The following CNTLN variants were observed in gnomAD, a reference collection of about 807,000 sequenced individuals.
The protein encoded by CNTLN is centlein.
In CNTLN, 212 loss-of-function variants were observed where a neutral mutation model predicts 180.0. The observed-to-expected ratio is 1.18, with a 90% CI of 1.05 to 1.32. The LOEUF is 1.32. CNTLN is among the 40% of genes most tolerant of loss of function. The pLI is 0.00. For synonymous variants in CNTLN, 722 were observed against 563.1 expected, an observed-to-expected ratio of 1.28 and a Z score of -3.99; for missense variants, 2,095 against 1,610.9, an observed-to-expected ratio of 1.30 and a Z score of -5.14.
intron 2 of CNTLN, among the ~76,000 whole-genome samples, chr9:17,219,604 T>A (rs2132038162): frequency 6.6e-6 from 1 of 152,204 alleles, no homozygotes; most frequent in African/African-American, 2.4e-5. Context: ...TATATGGCAC[T>A]TATGACCCAT....
intron 12 of CNTLN, among the ~76,000 whole-genome samples, chr9:17,362,062 C>G (rs1823436095): frequency 3.3e-5 from 5 of 152,088 alleles, no homozygotes; most frequent in Admixed American, 3.3e-4. Flanking sequence ...CAAGGTGGTC[C>G]CTGATGTCTG....
chr9:17,494,946 A>G, intron 25 of CNTLN: 1 of 435,324 alleles, frequency 2.3e-6, no homozygotes, highest in South Asian at 1.6e-5. Context: ...CAATGGCGCA[A>G]TCGTGGCTCA....
At chr9:17,334,420 TAC>T (rs56376464) in intron 10 of CNTLN, among the ~76,000 whole-genome samples, 6,300 of 149,732 alleles carry the variant, frequency 0.042, 165 homozygotes, top group South Asian at 0.12. Flanking sequence ...GCCAATAGAA[TAC>T]ACACACACAC....
chr9:17,152,400 C>T (rs970978668), intron 2 of CNTLN, among the ~76,000 whole-genome samples: 1 of 152,090 alleles, frequency 6.6e-6, no homozygotes, highest in Non-Finnish European at 1.5e-5. Context: ...TTTATTTCTG[C>T]CTTCATTTCG....
At chr9:17,307,179 A>T (rs920921617) in intron 7 of CNTLN, among the ~76,000 whole-genome samples, 2 of 152,232 alleles carry the variant, frequency 1.3e-5, no homozygotes, top group African/African-American at 4.8e-5. Flanking sequence ...TATAAATCAT[A>T]TAGGCAATAC....
chr9:17,367,928 G>A lies in CNTLN; in HGVS notation c.1987+1211G>A, dbSNP rs141277780. Among the ~76,000 whole-genome samples the A allele has an allele frequency of 5.4e-4, 82 of 152,194 alleles. 1 individual carries two copies. The East Asian group carries it at 0.014, about 27-fold the overall frequency. On this transcript the variant is annotated intron_variant, in intron 13 of 25. Coordinates refer to ENST00000380647, the MANE Select transcript of CNTLN (RefSeq NM_017738.4). ...GAAACCCAGGGCATCCCCAGCTGTG[G>A]TGGCTGTGGTGAGAAACCCCTGCAT...
intron 8 of CNTLN, among the ~76,000 whole-genome samples, chr9:17,327,550 AG>A (rs1820387892): frequency 6.7e-6 from 1 of 149,066 alleles, no homozygotes; most frequent in African/African-American, 2.5e-5. Flanking sequence ...AGGAACTTTG[AG>A]GGATGAGATT....
chr9:17,198,534 A>ATTTTTTTTT (rs71304884), intron 2 of CNTLN, among the ~76,000 whole-genome samples: 3 of 98,092 alleles, frequency 3.1e-5, no homozygotes, highest in East Asian at 3.2e-4. Context: ...TACTTTCTTG[A>ATTTTTTTTT]TTTTTTTTTT....
chr9:17,466,274 A>T (rs1307261877), intron 22 of CNTLN, among the ~76,000 whole-genome samples, 156 bp downstream of exon 22: 1 of 151,512 alleles, frequency 6.6e-6, no homozygotes, highest in African/African-American at 2.4e-5. Flanking sequence ...GAAACGCCAA[A>T]CATTGGTTTA....
At chr9:17,440,865 T>G (rs1241547151) in intron 18 of CNTLN, among the ~76,000 whole-genome samples, 1 of 152,180 alleles carries the variant, frequency 6.6e-6, no homozygotes, top group Non-Finnish European at 1.5e-5. Flanking sequence ...ATGATTCTAC[T>G]TATATAAAAT....
rs768064184 is a variant in CNTLN at position 17,484,440 on chromosome 9, G to T, written c.4001G>T (p.Arg1334Leu). 4.4e-6 allele frequency: 7 copies of T among 1,605,346 alleles called. No homozygotes were observed. The East Asian group carries it at 1.1e-4, about 26-fold the overall frequency. The change falls in exon 24 of 26, where the codon CGG becomes CTG. Residue 1334 changes from arginine (R) to leucine (L), a missense_variant. By Grantham distance (102) the Arg-to-Leu change is moderately radical. Transcript: ENST00000380647. ...TLAASILNIS[R>L]SDLEEILDTE... ...GCAGCTTCTATCCTGAACATTTCAC[G>T]GTCAGATTTAGAGGAAATATTAGAC...
intron 2 of CNTLN, among the ~76,000 whole-genome samples, chr9:17,225,274 C>G (rs1824393707): frequency 6.6e-6 from 1 of 152,020 alleles, no homozygotes; most frequent in African/African-American, 2.4e-5. Flanking sequence ...CTTCTGCATA[C>G]TGGGTAAGGC....
intron 12 of CNTLN, among the ~76,000 whole-genome samples, chr9:17,359,099 G>T (rs1823088004): frequency 6.6e-6 from 1 of 151,242 alleles, no homozygotes; most frequent in Non-Finnish European, 1.5e-5. Flanking sequence ...GCTTGCTGCA[G>T]CCTCAACTTC....
At chr9:17,172,344 A>G (rs1820473339) in intron 2 of CNTLN, among the ~76,000 whole-genome samples, 1 of 152,102 alleles carries the variant, frequency 6.6e-6, no homozygotes, top group Non-Finnish European at 1.5e-5. Context: ...TGTGTAGCTG[A>G]TACTGATTTT....
the CNTLN span, among the ~76,000 whole-genome samples, chr9:17,522,886 C>T: frequency 2.6e-5 from 4 of 152,146 alleles, no homozygotes; most frequent in Non-Finnish European, 5.9e-5. Context: ...TCTACTTCTC[C>T]AAGTACCATT....
chr9:17,460,699 G>A (rs555487444), intron 19 of CNTLN, among the ~76,000 whole-genome samples: 46 of 151,814 alleles, frequency 3.0e-4, no homozygotes, highest in Non-Finnish European at 5.6e-4. Context: ...AATTCTCCAA[G>A]TCAGAGTTAA....
intron 8 of CNTLN, among the ~76,000 whole-genome samples, chr9:17,309,773 A>G (rs2132918004): frequency 6.6e-6 from 1 of 152,190 alleles, no homozygotes; most frequent in East Asian, 1.9e-4. Context: ...CTGGTTGCAG[A>G]GCTTAGCATA....
At chr9:17,199,493 A>G (rs1038293744) in intron 2 of CNTLN, among the ~76,000 whole-genome samples, 1 of 151,994 alleles carries the variant, frequency 6.6e-6, no homozygotes, top group Non-Finnish European at 1.5e-5. Context: ...TTACAGGCGT[A>G]AGCCACCATG....
intron 2 of CNTLN, among the ~76,000 whole-genome samples, chr9:17,176,918 A>T (rs1820752712): frequency 6.6e-6 from 1 of 152,104 alleles, no homozygotes; most frequent in African/African-American, 2.4e-5. Flanking sequence ...TCTGTTGATA[A>T]TCCTGTTTCT....
Sources: allele counts gnomAD v4.1 joint callset (sites outside exome capture counted in the v4.1 genomes callset), GRCh38; gene constraint gnomAD v4.1.1; transcripts MANE v1.5; gene names NCBI Gene and HGNC (gene_info 2026-07-23, HGNC 2026-07-21).